The following CLCC1 variants were observed in gnomAD, a reference collection of about 807,000 sequenced individuals.
The protein encoded by CLCC1 is chloride channel CLIC-like protein 1.
CLCC1 carries 39 observed loss-of-function variants against 63.3 expected under a neutral mutation model. The observed-to-expected ratio is 0.62, with a 90% CI of 0.48 to 0.81. The LOEUF (loss-of-function observed/expected upper bound fraction) is 0.81. Ranked by LOEUF, CLCC1 falls within the 30% of genes least tolerant of loss-of-function variation. The probability of loss-of-function intolerance (pLI) is 0.00; values close to 1 mark genes in which losing one functional copy is unlikely to be tolerated. For synonymous variants in CLCC1, 217 were observed against 239.8 expected, an observed-to-expected ratio of 0.90 and a Z score of 0.88; for missense variants, 549 against 669.4, an observed-to-expected ratio of 0.82 and a Z score of 1.98.
chr1:108,939,768 T>C lies in CLCC1; in HGVS notation c.909A>G (p.Thr303=), dbSNP rs571666014. 6.2e-7 allele frequency: 1 copy of C among 1,613,880 alleles called. No homozygotes were observed. ...ATGGCTCCGTTACAAATGTGGTGAA[T>C]GTAACTGCAAGTGCCTAAAACGAGA... The part of the protein sequence containing the change: ...LVPPTKALAV[T]FTTFVTEPLK... Residue 303 remains threonine, a synonymous_variant, in exon 10 of 13, where the codon ACA becomes ACG. Transcript: ENST00000369969.
In CLCC1 at chr1:108,963,424, G is replaced by A. The variant is rs756467600; in HGVS notation, c.-236C>T. On this transcript the variant is annotated 5_prime_UTR_variant, in exon 1 of 13. Coordinates refer to ENST00000369969, the MANE Select transcript of CLCC1 (RefSeq NM_001377458.1). ...GCCCAGGCCGGCCGCAGAAGAGGTC[G>A]CACAGCTTGCCGCCGCCCAGGGTTT... 1.3e-4 allele frequency: 89 copies of A among 702,288 alleles called. No homozygotes were observed. The highest frequency in any genetic ancestry group is 1.9e-4 in the Non-Finnish European group (72 of 384,882). The allele number at this position is 702,288 out of a possible 1,614,324, so 43.5% of individuals were successfully genotyped here. A position where few individuals can be genotyped will look rare whatever the true frequency, so the allele number is the denominator to read the frequency against.
At chr1:108,934,377 CCTT>C (rs1652528510) in intron 12 of CLCC1, 1 of 354,606 alleles carries the variant, frequency 2.8e-6, no homozygotes, top group African/African-American at 2.1e-5. Flanking sequence ...AAACTGGCCT[CCTT>C]AACTATCCAG....
chr1:108,931,399 A>C lies in CLCC1; in HGVS notation c.*1148T>G. 6.4e-7 allele frequency: 1 copy of C among 1,551,192 alleles called. No homozygotes were observed. The highest frequency in any genetic ancestry group is 8.7e-7 in the Non-Finnish European group (1 of 1,147,132). The stretch of plus-strand genomic sequence containing the variant: ...AAGTATGGGACAGACTGGGACCTGG[A>C]GTAACACTGGATCACAGACTGCAAA... On this transcript the variant is annotated 3_prime_UTR_variant, in exon 13 of 13. Transcript: ENST00000369969.
At position 108,930,013 on chromosome 1, in the gene CLCC1, G is replaced by A; in HGVS notation, c.*2534C>T. 8 of 1,333,212 alleles carry A rather than the reference G, an allele frequency of 6.0e-6. No homozygotes were observed. Among genetic ancestry groups the A allele is most frequent in the Non-Finnish European group, 8.6e-6 (8 of 935,404 alleles). 82.6% of individuals were successfully genotyped at this position (1,333,212 alleles called of 1,614,324 possible). Reference sequence around the variant, plus strand: ...TCTATTACTTTTTTCCTTAAAAGGAGAATTTATAGCACTGTAATACAGCTT... The same window carrying A: ...TCTATTACTTTTTTCCTTAAAAGGAAAATTTATAGCACTGTAATACAGCTT... On this transcript the variant is annotated 3_prime_UTR_variant, in exon 13 of 13. Coordinates refer to ENST00000369969, the MANE Select transcript of CLCC1 (RefSeq NM_001377458.1).
At chr1:108,950,651 G>A (rs1655072081) in intron 2 of CLCC1, among the ~76,000 whole-genome samples, 1 of 151,780 alleles carries the variant, frequency 6.6e-6, no homozygotes, top group Non-Finnish European at 1.5e-5. Flanking sequence ...TGGGACTACA[G>A]GTGTGTGCCA....
rs535570 is a variant in CLCC1 at position 108,960,976 on chromosome 1, A to T, written c.-12+1333T>A. On this transcript the variant is annotated intron_variant, in intron 2 of 12. Coordinates refer to ENST00000369969, the MANE Select transcript of CLCC1 (RefSeq NM_001377458.1). ...TCCCAAAGTGCTGGGATTACAGGTGAGCCACTGTGCCAGCCAGGCAGTTGA... is the reference window on the plus strand; with the variant it reads ...TCCCAAAGTGCTGGGATTACAGGTGTGCCACTGTGCCAGCCAGGCAGTTGA... Among the ~76,000 whole-genome samples, 1,251 of 152,234 alleles carry T rather than the reference A, an allele frequency of 8.2e-3. 16 individuals carry two copies. Among genetic ancestry groups the T allele is most frequent in the African/African-American group, 0.028 (1,176 of 41,546 alleles).
At position 108,931,804 on chromosome 1, in the gene CLCC1, A is replaced by C. The variant is rs908524372; in HGVS notation, c.*743T>G. The C allele has an allele frequency of 1.0e-5, 2 of 190,582 alleles. No individual in the cohort carries two copies. The highest frequency in any genetic ancestry group is 4.7e-5 in the African/African-American group (2 of 42,694). 11.8% of individuals were successfully genotyped at this position (190,582 alleles called of 1,614,324 possible). ...CACAACGTAAAAAGTTTGTGTATAC[A>C]AACTTTTTGTATTATTTGTACACAA... On this transcript the variant is annotated 3_prime_UTR_variant, in exon 13 of 13. Transcript: ENST00000369969.
At chr1:108,943,776 T>C in intron 6 of CLCC1, 60 bp downstream of exon 6, 2 of 1,478,296 alleles carry the variant, frequency 1.4e-6, no homozygotes, top group Middle Eastern at 1.7e-4. Context: ...ATGGTGGAGT[T>C]TGGAAAGTAT....
At position 108,930,291 on chromosome 1, in the gene CLCC1, C is replaced by CA. The variant is rs1651705369; in HGVS notation, c.*2255dup. On this transcript the variant is annotated 3_prime_UTR_variant, in exon 13 of 13. Transcript: ENST00000369969. Reference sequence around the variant, plus strand: ...AATAATTTTTTAACATCTTAATTGACAATGGCGTTTTTTTATACATAACCA... The same window carrying CA: ...AATAATTTTTTAACATCTTAATTGACAAATGGCGTTTTTTTATACATAACCA... 1 of 195,478 alleles carries CA rather than the reference C, an allele frequency of 5.1e-6. No individual in the cohort carries two copies. Among genetic ancestry groups the CA allele is most frequent in the African/African-American group, 2.3e-5 (1 of 42,676 alleles). The allele number at this position is 195,478 out of a possible 1,614,324, so 12.1% of individuals were successfully genotyped here.
chr1:108,944,446 G>C (rs1348217247), intron 5 of CLCC1, among the ~76,000 whole-genome samples: 3 of 151,620 alleles, frequency 2.0e-5, no homozygotes, highest in African/African-American at 7.3e-5. Flanking sequence ...TCCAGCATGG[G>C]AGACAGAGTA....
At chr1:108,945,761 T>C (rs1170774036) in intron 5 of CLCC1, among the ~76,000 whole-genome samples, 1 of 152,222 alleles carries the variant, frequency 6.6e-6, no homozygotes, top group Admixed American at 6.5e-5. Context: ...ATAAATTACA[T>C]ATTTATAACT....
At chr1:108,947,820 G>C (rs1654736662) in intron 4 of CLCC1, 102 bp from the exon 5 acceptor site, 1 of 764,410 alleles carries the variant, frequency 1.3e-6, no homozygotes, top group Non-Finnish European at 2.1e-6. Context: ...TAAGGAGCTA[G>C]TTGTTTTGAT....
In CLCC1 at chr1:108,944,078, A is replaced by C. The variant is rs750026693; in HGVS notation, c.340-21T>G. On this transcript the variant is annotated intron_variant, in intron 5 of 12. Transcript: ENST00000369969. ...TCAGGCTAAATTAAATTTACCAAAAAACAAACAATAGAAAGAGAATTTTAT... is the reference window on the plus strand; with the variant it reads ...TCAGGCTAAATTAAATTTACCAAAACACAAACAATAGAAAGAGAATTTTAT... 156 of 1,519,518 alleles carry C rather than the reference A, an allele frequency of 1.0e-4. 1 individual carries two copies. The highest frequency in any genetic ancestry group is 1.4e-4 in the Non-Finnish European group (154 of 1,121,370). The allele number at this position is 1,519,518 out of a possible 1,614,324, so 94.1% of individuals were successfully genotyped here.
At chr1:108,939,211 T>A (rs930843099) in intron 10 of CLCC1, among the ~76,000 whole-genome samples, 1 of 145,686 alleles carries the variant, frequency 6.9e-6, no homozygotes, top group East Asian at 1.9e-4. Flanking sequence ...AAATATATAA[T>A]ATATAAATAT....
intron 2 of CLCC1, among the ~76,000 whole-genome samples, chr1:108,950,713 C>G (rs1388937855): frequency 2.0e-5 from 3 of 151,632 alleles, no homozygotes; most frequent in Non-Finnish European, 4.4e-5. Flanking sequence ...CAGGGTCTCA[C>G]TATGTTATCC....
chr1:108,939,237 AATAT>A (rs1471148710), intron 10 of CLCC1, among the ~76,000 whole-genome samples: 1 of 142,538 alleles, frequency 7.0e-6, no homozygotes, highest in Non-Finnish European at 1.5e-5. Flanking sequence ...ATATATAATA[AATAT>A]ATAAATATAG....
intron 4 of CLCC1, among the ~76,000 whole-genome samples, chr1:108,948,523 G>C (rs1344101680): frequency 1.3e-5 from 2 of 152,074 alleles, no homozygotes; most frequent in African/African-American, 4.8e-5. Flanking sequence ...GACAATAATT[G>C]AGCAGCACAC....
At chr1:108,954,894 A>G (rs839843) in intron 2 of CLCC1, among the ~76,000 whole-genome samples, 84,070 of 148,996 alleles carry the variant, frequency 0.56, 24,479 homozygotes, top group African/African-American at 0.65. Flanking sequence ...GTGCAATGGC[A>G]CGATCTTGGC....
intron 11 of CLCC1, 129 bp downstream of exon 11, chr1:108,936,948 G>C: frequency 3.9e-6 from 2 of 510,446 alleles, no homozygotes; most frequent in Middle Eastern, 5.5e-4. Flanking sequence ...AGGGGAGAGA[G>C]TGAGTGGCTG....
Sources: allele counts gnomAD v4.1 joint callset (sites outside exome capture counted in the v4.1 genomes callset), GRCh38; gene constraint gnomAD v4.1.1; transcripts MANE v1.5; gene names NCBI Gene and HGNC (gene_info 2026-07-23, HGNC 2026-07-21).